RSPRY1: variants seen among roughly 807,000 people sequenced by gnomAD.
RSPRY1 encodes the protein ring finger and SPRY domain containing 1.
In RSPRY1, 23 loss-of-function variants were observed where a neutral mutation model predicts 73.1. The ratio of observed to expected loss-of-function variants is 0.31; its 90% CI spans 0.23 to 0.45. The LOEUF is 0.45. RSPRY1 is among the 20% of genes least tolerant of loss of function. RSPRY1 has a pLI of 1.00. For missense variants in RSPRY1, 448 were observed against 698.7 expected (o/e 0.64, Z 4.05); for synonymous variants, 226 against 251.4 (o/e 0.90, Z 0.95).
intron 13 of RSPRY1, 36 bp from the exon 14 acceptor site, chr16:57,235,088 T>C (rs753645603): frequency 6.6e-7 from 1 of 1,504,296 alleles, no homozygotes; most frequent in Admixed American, 1.7e-5. Context: ...GGACCCCTGT[T>C]GACAAAATGT....
chr16:57,219,396 T>C (rs1190433320), intron 8 of RSPRY1, among the ~76,000 whole-genome samples: 1 of 152,242 alleles, frequency 6.6e-6, no homozygotes, highest in Non-Finnish European at 1.5e-5. Context: ...TTGATTTGGA[T>C]TTCTCTGATG....
intron 1 of RSPRY1, among the ~76,000 whole-genome samples, chr16:57,193,491 CTT>C (rs111290864): frequency 0.09 from 12,745 of 142,224 alleles, 644 homozygotes; most frequent in Admixed American, 0.18. Flanking sequence ...GTTCTGCAGG[CTT>C]TTTTTTTTTT....
chr16:57,211,026 C>T (rs148274544), intron 4 of RSPRY1, among the ~76,000 whole-genome samples: 8 of 152,154 alleles, frequency 5.3e-5, no homozygotes, highest in East Asian at 1.9e-4. Context: ...TCTCAGGTGG[C>T]GATCTTTATT....
chr16:57,208,683 A>G (rs1028025450), intron 3 of RSPRY1, among the ~76,000 whole-genome samples: 3 of 152,052 alleles, frequency 2.0e-5, no homozygotes, highest in African/African-American at 7.2e-5. Flanking sequence ...TACAGGTGTG[A>G]GCCACAGCCC....
intron 1 of RSPRY1, chr16:57,186,845 C>T (rs538388977): frequency 1.3e-5 from 2 of 152,194 alleles, no homozygotes; most frequent in Non-Finnish European, 2.9e-5. Flanking sequence ...TCCTGACCTA[C>T]TCAGGGGTGC....
At chr16:57,228,494 AT>A (rs2075155998) in intron 11 of RSPRY1, among the ~76,000 whole-genome samples, 1 of 152,036 alleles carries the variant, frequency 6.6e-6, no homozygotes. Flanking sequence ...TTTAATAAGA[AT>A]TTTTTAAAGG....
intron 1 of RSPRY1, among the ~76,000 whole-genome samples, chr16:57,191,924 G>A (rs2074358233): frequency 6.6e-6 from 1 of 152,176 alleles, no homozygotes; most frequent in Non-Finnish European, 1.5e-5. Context: ...AGCTAAGTTT[G>A]TCCCTAACCC....
Position 57,199,165 on chromosome 16 carries a change from A to G in RSPRY1, c.-155-5339A>G, listed in dbSNP as rs577539802. On this transcript the variant is annotated intron_variant, in intron 1 of 14. Transcript: ENST00000394420. Reference sequence around the variant, plus strand: ...GTTGTGGTATTAAAAAGAGCAAATCATAGAGCAATATTTATGGCTTCATTC... The same window carrying G: ...GTTGTGGTATTAAAAAGAGCAAATCGTAGAGCAATATTTATGGCTTCATTC... Among the ~76,000 whole-genome samples the G allele has an allele frequency of 1.4e-4, 22 of 152,366 alleles. No homozygotes were observed. The East Asian group carries it at 4.0e-3, about 28-fold the overall frequency.
chr16:57,225,363 G>A (rs1199631568), intron 10 of RSPRY1, among the ~76,000 whole-genome samples: 1 of 152,200 alleles, frequency 6.6e-6, no homozygotes, highest in Non-Finnish European at 1.5e-5. Flanking sequence ...CTTGGGTGGT[G>A]AATTTCTAAG....
chr16:57,216,459 C>T (rs768163670), intron 7 of RSPRY1: 1 of 399,454 alleles, frequency 2.5e-6, no homozygotes, highest in South Asian at 3.5e-5. Context: ...GGCTCTTGCC[C>T]ATAATCCCAG....
intron 10 of RSPRY1, among the ~76,000 whole-genome samples, chr16:57,225,099 CCCAGGCCAGGGTG>C (rs1158702831): frequency 2.6e-5 from 4 of 152,348 alleles, no homozygotes; most frequent in Non-Finnish European, 2.9e-5. Flanking sequence ...CGCTCTGTCA[CCCAGGCCAGGGTG>C]CAGTGGCACG....
intron 8 of RSPRY1, among the ~76,000 whole-genome samples, chr16:57,218,940 T>G (rs1459047150): frequency 2.1e-5 from 3 of 144,920 alleles, no homozygotes; most frequent in African/African-American, 5.2e-5. Context: ...GTTTCACCGT[T>G]TTAGCCGGGA....
chr16:57,208,061 T>C lies in RSPRY1; in HGVS notation c.354T>C (p.Asp118=), dbSNP rs1441633895. Reference sequence around the variant, plus strand: ...TGCCTTGAATTTTTTTTTCCAGTGATCAGGAACCTCCCTATTCAATGATAA... The same window carrying C: ...TGCCTTGAATTTTTTTTTCCAGTGACCAGGAACCTCCCTATTCAATGATAA... ...LAVIRTLVDN[D]QEPPYSMITL... Residue 118 remains aspartate (D), a synonymous_variant, in exon 3 of 15, where the codon GAT becomes GAC. Transcript: ENST00000394420. 3 of 1,585,450 alleles carry C rather than the reference T, an allele frequency of 1.9e-6. No homozygotes were observed. Among genetic ancestry groups the C allele is most frequent in the Non-Finnish European group, 2.6e-6 (3 of 1,164,994 alleles).
intron 1 of RSPRY1, among the ~76,000 whole-genome samples, chr16:57,193,506 C>A (rs374438951): frequency 0.011 from 1,068 of 100,724 alleles, 10 homozygotes; most frequent in African/African-American, 0.037. Flanking sequence ...TTTTTTTTTT[C>A]TTTGGAGACA....
At chr16:57,216,642 C>T in intron 7 of RSPRY1, 1 of 433,588 alleles carries the variant, frequency 2.3e-6, no homozygotes, top group South Asian at 2.7e-5. Context: ...ATCACTTGAG[C>T]CCAGTAGTTC....
At chr16:57,213,526 A>G (rs1378253227) in intron 5 of RSPRY1, among the ~76,000 whole-genome samples, 2 of 152,250 alleles carry the variant, frequency 1.3e-5, no homozygotes, top group East Asian at 3.8e-4. Context: ...CCTGAGAAGC[A>G]GGTATTTAAT....
chr16:57,235,119 C>T lies in RSPRY1; in HGVS notation c.1530-5C>T. On this transcript the variant is annotated splice_region_variant and splice_polypyrimidine_tract_variant and intron_variant, in intron 13 of 14. Coordinates refer to ENST00000394420, the MANE Select transcript of RSPRY1 (RefSeq NM_133368.3). ...AATGTATTTCAAATTGCTTTTTCTACTCAGGCACAGGCGTCTTGCTCTGTT... is the reference window on the plus strand; with the variant it reads ...AATGTATTTCAAATTGCTTTTTCTATTCAGGCACAGGCGTCTTGCTCTGTT... 1 of 1,611,850 alleles carries T rather than the reference C, an allele frequency of 6.2e-7. No individual in the cohort carries two copies. Among genetic ancestry groups the T allele is most frequent in the Non-Finnish European group, 8.5e-7 (1 of 1,178,306 alleles).
chr16:57,194,727 C>T (rs1263234335), intron 1 of RSPRY1, among the ~76,000 whole-genome samples: 1 of 152,094 alleles, frequency 6.6e-6, no homozygotes, highest in Non-Finnish European at 1.5e-5. Context: ...ATTCTGCAGT[C>T]CTATTTTCAA....
At chr16:57,217,081 G>C in intron 8 of RSPRY1, 46 bp downstream of exon 8, 1 of 1,609,810 alleles carries the variant, frequency 6.2e-7, no homozygotes, top group East Asian at 2.2e-5. Context: ...TCCATTTCCA[G>C]ACTCATTTCT....
Sources: allele counts gnomAD v4.1 joint callset (sites outside exome capture counted in the v4.1 genomes callset), GRCh38; gene constraint gnomAD v4.1.1; transcripts MANE v1.5; gene names NCBI Gene and HGNC (gene_info 2026-07-23, HGNC 2026-07-21).